Variants in NF1 observed in about 807,000 individuals in gnomAD.
NF1 encodes the protein neurofibromin.
In NF1, 122 loss-of-function variants were observed where a neutral mutation model predicts 325.7. That is an observed-to-expected ratio of 0.37 (90% confidence interval 0.32 to 0.44). The LOEUF is 0.44. Ranked by LOEUF, NF1 falls within the 20% of genes least tolerant of loss-of-function variation. The probability of loss-of-function intolerance (pLI) is 1.00; values close to 1 mark genes in which losing one functional copy is unlikely to be tolerated. For synonymous variants in NF1, 1,091 were observed against 1,186.0 expected (o/e 0.92, Z 1.65); for missense variants, 2,140 against 3,415.4 (o/e 0.63, Z 9.31).
intron 14 of NF1, 142 bp from the exon 15 acceptor site, chr17:31,221,704 CTCTT>C (rs2066923840): frequency 1.6e-6 from 1 of 643,736 alleles, no homozygotes; most frequent in Non-Finnish European, 2.7e-6. Flanking sequence ...CAGAGTTTCT[CTCTT>C]TTTACCTTTT....
chr17:31,345,466 C>T, intron 48 of NF1: 1 of 1,435,286 alleles, frequency 7.0e-7, no homozygotes, highest in Non-Finnish European at 9.3e-7. Flanking sequence ...GGGGCTCCCT[C>T]CGGGGCCGCG....
At chr17:31,181,608 A>T in intron 6 of NF1, 102 bp from the exon 7 acceptor site, 1 of 1,255,972 alleles carries the variant, frequency 8.0e-7, no homozygotes, top group East Asian at 2.3e-5. Context: ...TTTCAGGAAG[A>T]ATACATTGTA....
intron 31 of NF1, 81 bp downstream of exon 31, chr17:31,253,081 C>A: frequency 9.0e-7 from 1 of 1,115,286 alleles, no homozygotes; most frequent in Non-Finnish European, 1.3e-6. Context: ...AATATCTTCA[C>A]TTCAGCCTAT....
intron 36 of NF1, among the ~76,000 whole-genome samples, chr17:31,288,664 G>T (rs1415692359): frequency 6.6e-6 from 1 of 151,836 alleles, no homozygotes; most frequent in South Asian, 2.1e-4. Context: ...AGTCTCCTGA[G>T]TAGCTAGGAT....
chr17:31,166,621 T>C lies in NF1; in HGVS notation c.479+3245T>C, dbSNP rs116559688. ...GGTAAACAGCTCTAGGTGACTTTTT[T>C]CACTTTATCCAAAGTTTAGGCAGAG... On this transcript the variant is annotated intron_variant, in intron 4 of 57. Coordinates refer to ENST00000358273, the MANE Select transcript of NF1 (RefSeq NM_001042492.3). Among the ~76,000 whole-genome samples the C allele has an allele frequency of 6.7e-3, 1,026 of 152,314 alleles. 17 individuals are homozygous for C. The highest frequency in any genetic ancestry group is 0.023 in the African/African-American group (962 of 41,562).
At chr17:31,176,414 G>A (rs2066024065) in intron 5 of NF1, among the ~76,000 whole-genome samples, 1 of 152,140 alleles carries the variant, frequency 6.6e-6, no homozygotes, top group Admixed American at 6.5e-5. Flanking sequence ...TTAGCCCTTT[G>A]TCAGATGGGT....
Position 31,317,385 on chromosome 17 carries a change from A to ACT in NF1, c.4836-8434_4836-8433insTC, listed in dbSNP as rs1567891797. On this transcript the variant is annotated intron_variant, in intron 36 of 57. Transcript: ENST00000358273. ...CAGATTTGAACACACACACACACACACACACACACACACACACACCCCTAA... is the reference window on the plus strand; with the variant it reads ...CAGATTTGAACACACACACACACACACTCACACACACACACACACACCCCTAA... Among the ~76,000 whole-genome samples the ACT allele has an allele frequency of 1.4e-4, 21 of 151,632 alleles. No homozygotes were observed. The South Asian group carries it at 4.2e-3, about 30-fold the overall frequency.
intron 36 of NF1, among the ~76,000 whole-genome samples, chr17:31,276,887 C>T (rs1329051954): frequency 3.3e-5 from 5 of 151,990 alleles, no homozygotes; most frequent in African/African-American, 7.2e-5. Flanking sequence ...TGAATCTCCA[C>T]GCAATGGAAA....
chr17:31,287,686 A>G (rs980550920), intron 36 of NF1, among the ~76,000 whole-genome samples: 1 of 151,906 alleles, frequency 6.6e-6, no homozygotes, highest in Non-Finnish European at 1.5e-5. Flanking sequence ...CAGCCTCCCA[A>G]GTAGCTGGGA....
intron 51 of NF1, among the ~76,000 whole-genome samples, chr17:31,355,631 C>T (rs942930306): frequency 5.3e-5 from 8 of 152,198 alleles, no homozygotes; most frequent in Non-Finnish European, 1.2e-4. Context: ...AGGTGGATTG[C>T]TTGAGCCCAG....
rs546965726 is a variant in NF1 at position 31,134,226 on chromosome 17, A to G, written c.61-21757A>G. The stretch of plus-strand genomic sequence containing the variant: ...ATATTTAAGCTCATCAGTTTTGAAT[A>G]TTTCATTTGATTGTAAGTATTCAAA... On this transcript the variant is annotated intron_variant, in intron 1 of 57. Coordinates refer to ENST00000358273, the MANE Select transcript of NF1 (RefSeq NM_001042492.3). Among the ~76,000 whole-genome samples the G allele has an allele frequency of 2.6e-5, 4 of 152,264 alleles. No homozygotes were observed. The South Asian group carries it at 6.2e-4, about 24-fold the overall frequency.
intron 11 of NF1, among the ~76,000 whole-genome samples, chr17:31,204,193 A>G (rs909011730): frequency 6.6e-6 from 1 of 152,140 alleles, no homozygotes; most frequent in Non-Finnish European, 1.5e-5. Flanking sequence ...TCACTGGTAC[A>G]TGCTATAGCT....
chr17:31,352,960 G>A (rs1227415102), intron 51 of NF1, among the ~76,000 whole-genome samples: 1 of 152,062 alleles, frequency 6.6e-6, no homozygotes, highest in Non-Finnish European at 1.5e-5. Flanking sequence ...CCAGGCTGGA[G>A]TGCAGTGGCG....
intron 57 of NF1, among the ~76,000 whole-genome samples, chr17:31,367,868 G>A (rs1408971875): frequency 1.3e-5 from 2 of 152,018 alleles, no homozygotes; most frequent in Non-Finnish European, 2.9e-5. Flanking sequence ...TCACAGGACT[G>A]AGGTGGGGAG....
intron 30 of NF1, chr17:31,251,686 T>C (rs1567859352): frequency 1.5e-5 from 3 of 199,858 alleles, no homozygotes; most frequent in Non-Finnish European, 3.1e-5. Context: ...TTTAAGGCTA[T>C]AAATGATAGT....
chr17:31,199,849 T>C (rs879274940), intron 8 of NF1, among the ~76,000 whole-genome samples: 1 of 152,068 alleles, frequency 6.6e-6, no homozygotes, highest in Non-Finnish European at 1.5e-5. Flanking sequence ...GAATTCAAAG[T>C]TGAAGGCTAG....
At chr17:31,245,113 G>A (rs1377507277) in intron 29 of NF1, among the ~76,000 whole-genome samples, 1 of 152,074 alleles carries the variant, frequency 6.6e-6, no homozygotes, top group East Asian at 1.9e-4. Context: ...CTGCTGCTAT[G>A]CTGACTCAAA....
At chr17:31,339,213 A>G (rs974746888) in intron 46 of NF1, among the ~76,000 whole-genome samples, 4 of 152,136 alleles carry the variant, frequency 2.6e-5, no homozygotes, top group African/African-American at 9.7e-5. Context: ...TGAATGGATA[A>G]TGAAGTAAAC....
chr17:31,361,528 A>C (rs968235916), intron 57 of NF1: 3 of 152,206 alleles, frequency 2.0e-5, no homozygotes, highest in African/African-American at 7.2e-5. Flanking sequence ...TGTGTTTTCT[A>C]TTTAGAAAGA....
Sources: gnomAD v4.1 joint callset for allele counts (sites outside exome capture counted in the v4.1 genomes callset) on GRCh38, gnomAD v4.1.1 for gene constraint, MANE v1.5 for transcripts, NCBI Gene and HGNC (gene_info 2026-07-23, HGNC 2026-07-21) for gene names.